Variants in ZRSR2 observed in about 807,000 individuals in gnomAD.
ZRSR2 encodes the protein zinc finger CCCH-type, RNA binding motif and serine/arginine rich 2, also known as U2 small nuclear ribonucleoprotein auxiliary factor 35 kDa subunit-related protein 2.
In ZRSR2, 3 loss-of-function variants were observed where a neutral mutation model predicts 39.4. That is an observed-to-expected ratio of 0.08 (90% CI 0.03 to 0.20). ZRSR2 has a LOEUF of 0.20. ZRSR2 is among the 10% of genes least tolerant of loss of function. The probability of loss-of-function intolerance (pLI) is 1.00; values close to 1 mark genes in which losing one functional copy is unlikely to be tolerated. For synonymous variants in ZRSR2, 137 were observed against 136.0 expected (o/e 1.01, Z -0.05); for missense variants, 256 against 391.5 (o/e 0.65, Z 2.92).
chrX:15,817,944 A>G (rs1270191015), intron 8 of ZRSR2, among the ~76,000 whole-genome samples: 4 of 112,645 alleles, frequency 3.6e-5, no homozygotes, highest in African/African-American at 1.3e-4. Context: ...CATACAAAGC[A>G]ACACTATATG....
intron 3 of ZRSR2, among the ~76,000 whole-genome samples, chrX:15,800,858 CAT>C (rs1216441266): frequency 8.9e-6 from 1 of 112,530 alleles, no homozygotes; most frequent in Non-Finnish European, 1.9e-5. Flanking sequence ...GTTTTTCACT[CAT>C]ATGTAAAAAG....
chrX:15,803,852 C>T lies in ZRSR2; in HGVS notation c.312+56C>T, dbSNP rs1393920260. 3.5e-6 allele frequency: 4 copies of T among 1,157,155 alleles called. No homozygotes were observed. In the Admixed American group the frequency reaches 7.9e-5, roughly 23 times the overall value. On this transcript the variant is annotated intron_variant, in intron 4 of 10. Transcript: ENST00000307771. ...AACTGATTACTTCACCATAATAACT[C>T]TCATGAAGAGTTGCCTATCTTGGGA...
At chrX:15,812,802 AT>A (rs1394969504) in intron 7 of ZRSR2, among the ~76,000 whole-genome samples, 2 of 111,693 alleles carry the variant, frequency 1.8e-5, no homozygotes, top group Non-Finnish European at 3.8e-5. Context: ...TTATTTCTCC[AT>A]ATTTGAATTC....
Position 15,820,304 on chromosome X carries a change from A to G in ZRSR2, c.925A>G (p.Met309Val). 8.3e-7 allele frequency: 1 copy of G among 1,209,144 alleles called. No homozygotes were observed. Among genetic ancestry groups the G allele is most frequent in the Non-Finnish European group, 1.1e-6 (1 of 893,191 alleles). ...ATTCTGCCCCGTGACCCGGTGGAAA[A>G]TGGCGATTTGTGGTAAAAGACAAAG... ...CEFCPVTRWK[M>V]AICGLFEIQQ... The change falls in exon 10 of 11, where the codon ATG becomes GTG. Residue 309 changes from methionine (M) to valine (V), a missense_variant. Coordinates refer to ENST00000307771, the MANE Select transcript of ZRSR2 (RefSeq NM_005089.4).
intron 6 of ZRSR2, among the ~76,000 whole-genome samples, chrX:15,808,562 T>C (rs1160626486): frequency 1.8e-5 from 2 of 110,992 alleles, no homozygotes; most frequent in African/African-American, 6.5e-5. Flanking sequence ...TCAGAGTAAC[T>C]TCTATTTCTG....
Position 15,794,329 on chromosome X carries a change from C to T in ZRSR2, c.121+3316C>T, listed in dbSNP as rs781376388. On this transcript the variant is annotated intron_variant, in intron 2 of 10. Transcript: ENST00000307771. ...TGTGGGAGTTAGGGGACTCTGACCG[C>T]CCCCCGCCCCTCCCCACAGTGGAAA... Among the ~76,000 whole-genome samples, 11 of 110,354 alleles carry T rather than the reference C, an allele frequency of 1.0e-4. No individual in the cohort carries two copies. In the South Asian group the frequency reaches 3.5e-3, roughly 35 times the overall value.
intron 7 of ZRSR2, among the ~76,000 whole-genome samples, chrX:15,815,356 G>T (rs888482028): frequency 8.9e-6 from 1 of 112,620 alleles, no homozygotes; most frequent in Non-Finnish European, 1.9e-5. Context: ...GAGTGCAATG[G>T]CACAATCTCA....
At chrX:15,796,737 C>G (rs12388469) in intron 2 of ZRSR2, among the ~76,000 whole-genome samples, 8 of 98,262 alleles carry the variant, frequency 8.1e-5, no homozygotes, top group African/African-American at 3.0e-4. Flanking sequence ...GACCGAACTT[C>G]TCTGTCTTAG....
intron 9 of ZRSR2, among the ~76,000 whole-genome samples, chrX:15,819,800 C>A (rs1467918377): frequency 1.8e-5 from 2 of 111,404 alleles, no homozygotes; most frequent in Admixed American, 1.9e-4. Flanking sequence ...GCTAAGAGAG[C>A]AATTAATGTA....
chrX:15,803,622 CGT>C (rs1325757976), intron 3 of ZRSR2, 64 bp from the exon 4 acceptor site: 62 of 1,116,039 alleles, frequency 5.6e-5, no homozygotes, highest in Non-Finnish European at 6.3e-5. Context: ...ATTTTGCTCT[CGT>C]GTGTGTGTGT....
chrX:15,804,911 G>A (rs1932765076), intron 5 of ZRSR2, among the ~76,000 whole-genome samples: 1 of 110,221 alleles, frequency 9.1e-6, no homozygotes, highest in Non-Finnish European at 1.9e-5. Context: ...GCATATGTGT[G>A]TATGTATCTT....
chrX:15,809,101 C>A, intron 6 of ZRSR2, 99 bp from the exon 7 acceptor site: 1 of 638,970 alleles, frequency 1.6e-6, no homozygotes, highest in Non-Finnish European at 2.6e-6. Flanking sequence ...TTAAATGAAA[C>A]AATGTTTATC....
At chrX:15,791,981 AT>A (rs1257914035) in intron 2 of ZRSR2, among the ~76,000 whole-genome samples, 1 of 111,277 alleles carries the variant, frequency 9.0e-6, no homozygotes. Context: ...AATTTTTAAA[AT>A]TTTCGTAGAG....
intron 8 of ZRSR2, 38 bp downstream of exon 8, chrX:15,815,928 A>G: frequency 9.1e-7 from 1 of 1,093,513 alleles, no homozygotes; most frequent in Non-Finnish European, 1.2e-6. Context: ...GGTTTGCTTC[A>G]CCCTGCAGTA....
Position 15,801,361 on chromosome X carries a change from C to T in ZRSR2, c.203+1408C>T, listed in dbSNP as rs941998196. ...CTCCTGCCTCAGCCTCCCGAGTAGC[C>T]GGGATTACAGGCACGCACCGCCACA... On this transcript the variant is annotated intron_variant, in intron 3 of 10. Coordinates refer to ENST00000307771, the MANE Select transcript of ZRSR2 (RefSeq NM_005089.4). 12 of 286,410 alleles carry T rather than the reference C, an allele frequency of 4.2e-5. No individual in the cohort carries two copies. The highest frequency in any genetic ancestry group is 2.2e-4 in the Admixed American group (6 of 27,541). 23.6% of individuals were successfully genotyped at this position (286,410 alleles called of 1,213,427 possible).
intron 4 of ZRSR2, 27 bp from the exon 5 acceptor site, chrX:15,804,084 A>G (rs1354863297): frequency 8.7e-7 from 1 of 1,155,474 alleles, no homozygotes; most frequent in South Asian, 2.0e-5. Context: ...TGACTGAAAC[A>G]AAGTTACTTT....
intron 2 of ZRSR2, among the ~76,000 whole-genome samples, chrX:15,793,238 C>A (rs1932339944): frequency 9.0e-6 from 1 of 111,160 alleles, no homozygotes; most frequent in African/African-American, 3.3e-5. Flanking sequence ...TTCTCTTTTT[C>A]TTTTCCTGCA....
chrX:15,803,992 A>AC, intron 4 of ZRSR2, 119 bp from the exon 5 acceptor site: 1 of 1,025,881 alleles, frequency 9.7e-7, no homozygotes, highest in Non-Finnish European at 1.3e-6. Context: ...AAAAAAAAAA[A>AC]ACAAAAAACT....
At chrX:15,807,808 G>A (rs1442679453) in intron 5 of ZRSR2, among the ~76,000 whole-genome samples, 1 of 109,400 alleles carries the variant, frequency 9.1e-6, no homozygotes, top group Non-Finnish European at 1.9e-5. Context: ...GGGAGGCTGA[G>A]GCGGGTGGAT....
Sources: allele counts gnomAD v4.1 joint callset (sites outside exome capture counted in the v4.1 genomes callset), GRCh38; gene constraint gnomAD v4.1.1; transcripts MANE v1.5; gene names NCBI Gene and HGNC (gene_info 2026-07-23, HGNC 2026-07-21).